PPARGC1A: variants seen among roughly 807,000 people sequenced by gnomAD.
PPARGC1A encodes the protein peroxisome proliferator-activated receptor gamma coactivator 1-alpha.
Under a neutral mutation model 88.7 loss-of-function variants are expected in PPARGC1A, and 25 were observed. The ratio of observed to expected loss-of-function variants is 0.28; its 90% CI spans 0.21 to 0.39. The LOEUF (loss-of-function observed/expected upper bound fraction) is 0.39. Ranked by LOEUF, PPARGC1A falls within the 10% of genes least tolerant of loss-of-function variation. PPARGC1A has a pLI of 1.00. For missense variants in PPARGC1A, 880 were observed against 968.7 expected, an observed-to-expected ratio of 0.91 and a Z score of 1.22; for synonymous variants, 363 against 355.6, an observed-to-expected ratio of 1.02 and a Z score of -0.24.
the PPARGC1A span, among the ~76,000 whole-genome samples, chr4:24,389,812 A>C: frequency 6.6e-6 from 1 of 152,158 alleles, no homozygotes; most frequent in East Asian, 1.9e-4. Context: ...GAGGTCCAGG[A>C]GAACAATTCA....
the PPARGC1A span, among the ~76,000 whole-genome samples, chr4:24,248,965 G>A: frequency 6.6e-6 from 1 of 152,144 alleles, no homozygotes; most frequent in Non-Finnish European, 1.5e-5. Context: ...AGGGTCGGGA[G>A]GCCTAATTTA....
chr4:24,155,751 G>A, the PPARGC1A span, among the ~76,000 whole-genome samples: 1 of 152,146 alleles, frequency 6.6e-6, no homozygotes, highest in African/African-American at 2.4e-5. Flanking sequence ...CATTACTCTA[G>A]GTTTGACATG....
chr4:24,408,398 T>A, the PPARGC1A span, among the ~76,000 whole-genome samples: 507 of 151,974 alleles, frequency 3.3e-3, 4 homozygotes, highest in African/African-American at 0.012. Context: ...TCAAATTGGG[T>A]CAGTTCAAAC....
chr4:24,281,581 C>A, the PPARGC1A span, among the ~76,000 whole-genome samples: 3 of 152,222 alleles, frequency 2.0e-5, no homozygotes, highest in African/African-American at 4.8e-5. Context: ...ACCTCCAACA[C>A]TGAGGATTGA....
At chr4:23,797,653 A>T (rs1258992300) in intron 12 of PPARGC1A, among the ~76,000 whole-genome samples, 1 of 152,248 alleles carries the variant, frequency 6.6e-6, no homozygotes, top group Non-Finnish European at 1.5e-5. Flanking sequence ...CTTCACTGTG[A>T]AATATAGTGT....
chr4:23,889,258 C>CG, intron 1 of PPARGC1A: 1 of 985,384 alleles, frequency 1.0e-6, no homozygotes, highest in African/African-American at 1.7e-5. Context: ...TCCCTGCCAC[C>CG]GACGCGAACG....
At chr4:24,263,124 T>C in the PPARGC1A span, among the ~76,000 whole-genome samples, 1 of 152,202 alleles carries the variant, frequency 6.6e-6, no homozygotes, top group Non-Finnish European at 1.5e-5. Flanking sequence ...CCATTTACTC[T>C]TTTTCTAAAT....
chr4:23,913,298 AG>A, the PPARGC1A span, among the ~76,000 whole-genome samples: 8 of 145,456 alleles, frequency 5.5e-5, no homozygotes, highest in Non-Finnish European at 7.5e-5. Flanking sequence ...AGAGAGAGAG[AG>A]AGAGAGAGAA....
chr4:23,821,970 G>A (rs922210272), intron 7 of PPARGC1A, among the ~76,000 whole-genome samples: 7 of 151,994 alleles, frequency 4.6e-5, no homozygotes, highest in South Asian at 2.1e-4. Context: ...ACTTCAGATC[G>A]AACCACATAA....
At chr4:23,929,657 A>G in the PPARGC1A span, among the ~76,000 whole-genome samples, 13 of 152,276 alleles carry the variant, frequency 8.5e-5, no homozygotes, top group African/African-American at 1.2e-4. Flanking sequence ...TGGGGAAGAA[A>G]GATTGGCAAT....
chr4:24,447,609 C>T, the PPARGC1A span, among the ~76,000 whole-genome samples: 2 of 152,198 alleles, frequency 1.3e-5, no homozygotes, highest in Non-Finnish European at 2.9e-5. Flanking sequence ...TGTCTGAATC[C>T]TCGTCATGCA....
the PPARGC1A span, among the ~76,000 whole-genome samples, chr4:24,231,248 C>T: frequency 1.4e-3 from 208 of 152,290 alleles, no homozygotes; most frequent in African/African-American, 4.8e-3. Context: ...ATGGACTATG[C>T]TGCTAAAATG....
At chr4:23,861,051 C>G (rs1329876177) in intron 2 of PPARGC1A, among the ~76,000 whole-genome samples, 1 of 152,208 alleles carries the variant, frequency 6.6e-6, no homozygotes, top group Non-Finnish European at 1.5e-5. Flanking sequence ...CAAACCAGAA[C>G]ACTACGACCT....
At chr4:23,906,415 C>A (rs1327050307), upstream of PPARGC1A, among the ~76,000 whole-genome samples, 3 of 151,868 alleles carry the variant, frequency 2.0e-5, no homozygotes, top group East Asian at 5.9e-4. Flanking sequence ...GAGTTCAAGA[C>A]CAGCCGGGCC....
the PPARGC1A span, among the ~76,000 whole-genome samples, chr4:24,149,990 C>A: frequency 6.6e-6 from 1 of 152,060 alleles, no homozygotes; most frequent in African/African-American, 2.4e-5. Flanking sequence ...ATTTTTAGGA[C>A]AAAAGAGTTT....
chr4:24,219,658 C>G, the PPARGC1A span, among the ~76,000 whole-genome samples: 1 of 152,210 alleles, frequency 6.6e-6, no homozygotes, highest in Non-Finnish European at 1.5e-5. Flanking sequence ...CTCCTCCCCT[C>G]CTCCAAACAT....
At chr4:24,032,016 C>T in the PPARGC1A span, among the ~76,000 whole-genome samples, 1 of 152,172 alleles carries the variant, frequency 6.6e-6, no homozygotes, top group Non-Finnish European at 1.5e-5. Flanking sequence ...AAGTATTCCA[C>T]CACACCAAAA....
chr4:24,280,961 G>A, the PPARGC1A span, among the ~76,000 whole-genome samples: 432 of 152,256 alleles, frequency 2.8e-3, 2 homozygotes, highest in African/African-American at 9.7e-3. Flanking sequence ...ACCAACCAAA[G>A]CTGGAGAAGC....
At chr4:23,869,669 G>A (rs924048452) in intron 2 of PPARGC1A, among the ~76,000 whole-genome samples, 5 of 150,610 alleles carry the variant, frequency 3.3e-5, no homozygotes, top group East Asian at 3.9e-4. Context: ...AAAATGGCAC[G>A]GCGGGGTGGG....
Sources: gnomAD v4.1 joint callset for allele counts (sites outside exome capture counted in the v4.1 genomes callset) on GRCh38, gnomAD v4.1.1 for gene constraint, MANE v1.5 for transcripts, NCBI Gene and HGNC (gene_info 2026-07-23, HGNC 2026-07-21) for gene names.